CTNND2: variants seen among roughly 807,000 people sequenced by gnomAD.
CTNND2 encodes catenin delta 2, also known as catenin delta-2.
A neutral mutation model predicts 144.4 loss-of-function variants in CTNND2; 22 were observed. The ratio of observed to expected loss-of-function variants is 0.15; its 90% CI spans 0.11 to 0.22. The LOEUF is 0.22. CTNND2 is among the 10% of genes least tolerant of loss of function. CTNND2 has a pLI of 1.00. For missense variants in CTNND2, 1,353 were observed against 1,618.8 expected (o/e 0.84, Z 2.82); for synonymous variants, 751 against 695.6 (o/e 1.08, Z -1.25).
At chr5:11,809,596 G>A (rs1358058908) in intron 1 of CTNND2, among the ~76,000 whole-genome samples, 1 of 152,144 alleles carries the variant, frequency 6.6e-6, no homozygotes, top group East Asian at 1.9e-4. Flanking sequence ...CGGACCACAG[G>A]TCTCCAAATA....
intron 1 of CTNND2, among the ~76,000 whole-genome samples, chr5:11,820,184 C>G (rs1359469549): frequency 6.6e-6 from 1 of 152,182 alleles, no homozygotes; most frequent in Admixed American, 6.5e-5. Context: ...GTTATTGACA[C>G]AGTCTATGGG....
intron 3 of CTNND2, among the ~76,000 whole-genome samples, chr5:11,421,501 T>G (rs187688052): frequency 6.6e-6 from 1 of 152,324 alleles, no homozygotes; most frequent in African/African-American, 2.4e-5. Flanking sequence ...AACATCATGT[T>G]GTTCAAATGG....
chr5:11,030,626 T>G (rs1743341693), intron 16 of CTNND2, among the ~76,000 whole-genome samples: 1 of 152,112 alleles, frequency 6.6e-6, no homozygotes, highest in African/African-American at 2.4e-5. Flanking sequence ...TGTTTCCATT[T>G]TGTTCACACA....
At chr5:11,627,535 G>GA (rs754178506) in intron 2 of CTNND2, among the ~76,000 whole-genome samples, 6 of 151,398 alleles carry the variant, frequency 4.0e-5, no homozygotes, top group Admixed American at 6.6e-5. Context: ...CAGACAAAAT[G>GA]AAAAAAAATT....
chr5:10,991,359 G>C (rs1252082166), intron 19 of CTNND2, among the ~76,000 whole-genome samples: 2 of 152,218 alleles, frequency 1.3e-5, no homozygotes, highest in African/African-American at 4.8e-5. Context: ...AGCAGGGAGA[G>C]GGCAGAGAAG....
At chr5:11,396,796 G>A (rs184080710) in intron 6 of CTNND2, among the ~76,000 whole-genome samples, 117 of 152,286 alleles carry the variant, frequency 7.7e-4, no homozygotes, top group Non-Finnish European at 9.0e-4. Flanking sequence ...CAGGTATAGC[G>A]TGAACAATAC....
chr5:11,207,731 C>T (rs1311181190), intron 10 of CTNND2, among the ~76,000 whole-genome samples: 1 of 152,204 alleles, frequency 6.6e-6, no homozygotes, highest in African/African-American at 2.4e-5. Context: ...CCTTGCTTCA[C>T]AGCTAACTGA....
At chr5:11,186,162 A>G (rs912900939) in intron 11 of CTNND2, among the ~76,000 whole-genome samples, 2 of 152,226 alleles carry the variant, frequency 1.3e-5, no homozygotes, top group Non-Finnish European at 2.9e-5. Context: ...ATGATCACGG[A>G]GGTGAAAACT....
chr5:11,298,890 A>G (rs1303947172), intron 9 of CTNND2, among the ~76,000 whole-genome samples: 2 of 152,232 alleles, frequency 1.3e-5, no homozygotes, highest in African/African-American at 2.4e-5. Flanking sequence ...AAGAATTAAA[A>G]TGATTTATAC....
intron 1 of CTNND2, among the ~76,000 whole-genome samples, chr5:11,836,873 T>G (rs916393161): frequency 6.6e-6 from 1 of 152,118 alleles, no homozygotes; most frequent in African/African-American, 2.4e-5. Context: ...GGGGATGGGA[T>G]GAAAGAAATC....
chr5:11,739,798 C>A (rs1264050368), intron 1 of CTNND2, among the ~76,000 whole-genome samples: 1 of 152,132 alleles, frequency 6.6e-6, no homozygotes, highest in Non-Finnish European at 1.5e-5. Flanking sequence ...AAAACCCCAT[C>A]GTCTCAGCCC....
intron 9 of CTNND2, among the ~76,000 whole-genome samples, chr5:11,237,143 C>T (rs1040748246): frequency 7.9e-5 from 12 of 151,924 alleles, no homozygotes; most frequent in African/African-American, 1.2e-4. Context: ...CCACAGCCTC[C>T]CAAGTAGCTG....
At position 11,729,024 on chromosome 5, in the gene CTNND2, T is replaced by A. The variant is rs114086822; in HGVS notation, c.174+3112A>T. 8.0e-3 allele frequency among the ~76,000 whole-genome samples: 1,221 copies of A among 152,210 alleles called. 12 individuals carry two copies. Among genetic ancestry groups the A allele is most frequent in the African/African-American group, 0.028 (1,144 of 41,518 alleles). On this transcript the variant is annotated intron_variant, in intron 2 of 21. Coordinates refer to ENST00000304623, the MANE Select transcript of CTNND2 (RefSeq NM_001332.4). ...AAGATTGGTTGTTTGCATCAGGACA[T>A]CCCCAAAAAGCTCATGGAATCTGCT...
chr5:11,015,530 C>CT (rs1415782907), intron 18 of CTNND2, among the ~76,000 whole-genome samples: 1 of 152,174 alleles, frequency 6.6e-6, no homozygotes, highest in Non-Finnish European at 1.5e-5. Context: ...TCAACACATT[C>CT]TTTTTTTCAT....
rs367641420 is a variant in CTNND2, at chr5:11,346,490, G to T, written c.1510C>A (p.Arg504=). 18 of 1,605,762 alleles carry T rather than the reference G, an allele frequency of 1.1e-5. No homozygotes were observed. The South Asian group carries it at 1.8e-4, about 16-fold the overall frequency. ...GPASNYADPY[R]QLQYCPSVES... ...ACAGAGGGACAATACTGCAGCTGTCGGTAGGGGTCCGCGTAATTGGAGGCT... is the reference window on the plus strand; with the variant it reads ...ACAGAGGGACAATACTGCAGCTGTCTGTAGGGGTCCGCGTAATTGGAGGCT... The change falls in exon 9 of 22, where the codon CGA becomes AGA. Residue 504 remains arginine (R), a synonymous_variant. Coordinates refer to ENST00000304623, the MANE Select transcript of CTNND2 (RefSeq NM_001332.4).
At chr5:11,146,400 G>A (rs141511155) in intron 12 of CTNND2, among the ~76,000 whole-genome samples, 60 of 152,256 alleles carry the variant, frequency 3.9e-4, no homozygotes, top group East Asian at 2.7e-3. Context: ...AAAGCATTCC[G>A]TCCAGATTCA....
intron 2 of CTNND2, among the ~76,000 whole-genome samples, chr5:11,728,638 C>T (rs926321766): frequency 6.6e-6 from 1 of 152,002 alleles, no homozygotes; most frequent in Non-Finnish European, 1.5e-5. Context: ...ATCAAGAATA[C>T]GGTTTATAAT....
Position 11,075,509 on chromosome 5 carries a change from G to A in CTNND2, c.2788+7187C>T, listed in dbSNP as rs140873582. ...TGAGGCCAAAGGATGATGGCAAACT[G>A]GGAAAGGGCCAGGCTCATGACACGG... is the stretch of plus-strand genomic sequence containing the variant. On this transcript the variant is annotated intron_variant, in intron 16 of 21. Transcript: ENST00000304623. Among the ~76,000 whole-genome samples, 550 of 152,330 alleles carry A rather than the reference G, an allele frequency of 3.6e-3. 1 individual carries two copies. The highest frequency in any genetic ancestry group is 6.5e-3 in the Non-Finnish European group (444 of 68,022).
In CTNND2 at chr5:11,081,355, A is replaced by G. The variant is rs187024514; in HGVS notation, c.2788+1341T>C. Among the ~76,000 whole-genome samples, 5 of 152,306 alleles carry G rather than the reference A, an allele frequency of 3.3e-5. No individual in the cohort carries two copies. In the East Asian group the frequency reaches 9.6e-4, roughly 29 times the overall value. On this transcript the variant is annotated intron_variant, in intron 16 of 21. Coordinates refer to ENST00000304623, the MANE Select transcript of CTNND2 (RefSeq NM_001332.4). The stretch of plus-strand genomic sequence containing the variant: ...AAAGATAAGATAATTATTTGAAGAG[A>G]TGAAATGTTAATCAGCTTGATTTAA...
Sources: gnomAD v4.1 joint callset for allele counts (sites outside exome capture counted in the v4.1 genomes callset) on GRCh38, gnomAD v4.1.1 for gene constraint, MANE v1.5 for transcripts, NCBI Gene and HGNC (gene_info 2026-07-23, HGNC 2026-07-21) for gene names.